Variants in ZC3H8 observed in about 807,000 individuals in gnomAD.
ZC3H8 encodes zinc finger CCCH-type containing 8.
Under a neutral mutation model 42.5 loss-of-function variants are expected in ZC3H8, and 27 were observed. The ratio of observed to expected loss-of-function variants is 0.64; its 90% confidence interval spans 0.47 to 0.88. The LOEUF (loss-of-function observed/expected upper bound fraction) is 0.88. Ranked by LOEUF, ZC3H8 falls within the 40% of genes least tolerant of loss-of-function variation. The pLI is 0.00. For synonymous variants in ZC3H8, 101 were observed against 110.1 expected (o/e 0.92, Z 0.52); for missense variants, 277 against 336.1 (o/e 0.82, Z 1.37).
intron 2 of ZC3H8, among the ~76,000 whole-genome samples, chr2:112,240,760 ATACTT>A (rs1345557270): frequency 6.6e-6 from 1 of 152,220 alleles, no homozygotes; most frequent in Non-Finnish European, 1.5e-5. Context: ...AAATAATTGA[ATACTT>A]TTCTTCACTT....
intron 2 of ZC3H8, among the ~76,000 whole-genome samples, chr2:112,242,622 T>C (rs2104664926): frequency 6.6e-6 from 1 of 152,346 alleles, no homozygotes; most frequent in South Asian, 2.1e-4. Context: ...ATTATTATAC[T>C]GTCAAGTCAG....
In ZC3H8 at chr2:112,234,110, A is replaced by G; in HGVS notation, c.621+10T>C. 1 of 1,480,840 alleles carries G rather than the reference A, an allele frequency of 6.8e-7. No individual in the cohort carries two copies. Among genetic ancestry groups the G allele is most frequent in the Non-Finnish European group, 9.1e-7 (1 of 1,094,884 alleles). 91.7% of individuals were successfully genotyped at this position (1,480,840 alleles called of 1,614,324 possible). On this transcript the variant is annotated intron_variant, in intron 5 of 8. Coordinates refer to ENST00000409573, the MANE Select transcript of ZC3H8 (RefSeq NM_032494.3). ...CATTTTAGTAGATTTTTGCTTACAC[A>G]TTTTTATACCTTAATACATTTCCTT...
intron 8 of ZC3H8, among the ~76,000 whole-genome samples, chr2:112,221,404 C>T (rs1056511931): frequency 1.3e-5 from 2 of 152,156 alleles, no homozygotes; most frequent in African/African-American, 4.8e-5. Flanking sequence ...CACCTTCTGC[C>T]ATGTCTGTAA....
intron 3 of ZC3H8, 50 bp from the exon 4 acceptor site, chr2:112,236,745 T>C (rs1573910672): frequency 6.6e-7 from 1 of 1,514,520 alleles, no homozygotes; most frequent in East Asian, 2.4e-5. Context: ...ACAATAGCAG[T>C]TTACTTTTAA....
In ZC3H8 at chr2:112,215,884, A is replaced by C. The variant is rs1350869927; in HGVS notation, c.*600T>G. On this transcript the variant is annotated 3_prime_UTR_variant, in exon 9 of 9. Coordinates refer to ENST00000409573, the MANE Select transcript of ZC3H8 (RefSeq NM_032494.3). ...AAATTTAGAAATGGTATAGTAAGAGATATTGTTTCACTTTATTTATAATAG... is the reference window on the plus strand; with the variant it reads ...AAATTTAGAAATGGTATAGTAAGAGCTATTGTTTCACTTTATTTATAATAG... 1 of 152,226 alleles carries C rather than the reference A, an allele frequency of 6.6e-6. No individual in the cohort carries two copies. Among genetic ancestry groups the C allele is most frequent in the East Asian group, 1.9e-4 (1 of 5,206 alleles). 9.4% of individuals were successfully genotyped at this position (152,226 alleles called of 1,614,324 possible).
chr2:112,221,623 C>G (rs999465385), intron 8 of ZC3H8, among the ~76,000 whole-genome samples: 1 of 152,130 alleles, frequency 6.6e-6, no homozygotes, highest in Non-Finnish European at 1.5e-5. Context: ...TCTTCCAGCT[C>G]TGAGATTCCT....
intron 8 of ZC3H8, among the ~76,000 whole-genome samples, chr2:112,217,093 G>A (rs952113237): frequency 2.0e-5 from 3 of 152,164 alleles, no homozygotes; most frequent in African/African-American, 7.2e-5. Flanking sequence ...AACAGACCAG[G>A]CGCGGTGGCT....
chr2:112,213,997 G>C lies in ZC3H8; in HGVS notation c.*2487C>G, dbSNP rs1004482180. 7.0e-6 allele frequency: 1 copy of C among 143,126 alleles called. No individual in the cohort carries two copies. The highest frequency in any genetic ancestry group is 1.5e-5 in the Non-Finnish European group (1 of 66,320). The allele number at this position is 143,126 out of a possible 1,614,324, so 8.9% of individuals were successfully genotyped here. A position where few individuals can be genotyped will look rare whatever the true frequency, so the allele number is the denominator to read the frequency against. On this transcript the variant is annotated 3_prime_UTR_variant, in exon 9 of 9. Coordinates refer to ENST00000409573, the MANE Select transcript of ZC3H8 (RefSeq NM_032494.3). ...GAGTCTCACTGTCGCCCAGGCTGGA[G>C]TGCAGTGGTGCGATCTCAGCTCACT...
At position 112,250,266 on chromosome 2, in the gene ZC3H8, A is replaced by G. The variant is rs375741346; in HGVS notation, c.81T>C (p.Asp27=). The part of the protein sequence containing the change: ...KTATDSDERI[D]DEIDTEVEET... ...CTTCAACTTCTGTATCTATTTCATC[A>G]TCGATTCTGTAGCAAAAATATCAAA... Residue 27 remains aspartate, a synonymous_variant, in exon 2 of 9, where the codon GAT becomes GAC. Coordinates refer to ENST00000409573, the MANE Select transcript of ZC3H8 (RefSeq NM_032494.3). The G allele has an allele frequency of 7.9e-5, 123 of 1,551,774 alleles. No homozygotes were observed. In the African/African-American group the frequency reaches 1.5e-3, roughly 18 times the overall value.
rs1684746080 is a variant in ZC3H8 at position 112,224,834 on chromosome 2, TGTA to T, written c.*15+6066_*15+6068del. On this transcript the variant is annotated intron_variant, in intron 8 of 8. Transcript: ENST00000409573. Reference sequence around the variant, plus strand: ...GTCTGAGAGAAGGAGAAGAATGAATTGTAGTAAAGTGTCACAGGGAACATTCTG... The same window carrying T: ...GTCTGAGAGAAGGAGAAGAATGAATTGTAAAGTGTCACAGGGAACATTCTG... 2.0e-5 allele frequency among the ~76,000 whole-genome samples: 3 copies of T among 152,300 alleles called. No individual in the cohort carries two copies. The Middle Eastern group carries it at 0.01, about 518-fold the overall frequency.
chr2:112,215,013 T>C lies in ZC3H8; in HGVS notation c.*1471A>G, dbSNP rs573248783. The C allele has an allele frequency of 6.6e-6, 1 of 152,264 alleles. No individual in the cohort carries two copies. Among genetic ancestry groups the C allele is most frequent in the African/African-American group, 2.4e-5 (1 of 41,546 alleles). The allele number at this position is 152,264 out of a possible 1,614,324, so 9.4% of individuals were successfully genotyped here. On this transcript the variant is annotated 3_prime_UTR_variant, in exon 9 of 9. Coordinates refer to ENST00000409573, the MANE Select transcript of ZC3H8 (RefSeq NM_032494.3). The stretch of plus-strand genomic sequence containing the variant: ...TTAAGTTTACAAGTGAGATGGGTAC[T>C]GCCTCAGAAATATAACAATTATTTT...
At chr2:112,232,216 T>C (rs866969492) in intron 6 of ZC3H8, among the ~76,000 whole-genome samples, 2 of 149,412 alleles carry the variant, frequency 1.3e-5, no homozygotes, top group South Asian at 2.1e-4. Flanking sequence ...CTCAGGAGGC[T>C]GAGGCACCAA....
chr2:112,245,775 G>T (rs1267489367), intron 2 of ZC3H8, among the ~76,000 whole-genome samples: 1 of 152,172 alleles, frequency 6.6e-6, no homozygotes, highest in Non-Finnish European at 1.5e-5. Flanking sequence ...CAATGTAAAT[G>T]AAACAGCCTT....
At chr2:112,231,100 C>T (rs952349471) in intron 7 of ZC3H8, 150 bp from the exon 8 acceptor site, 3 of 451,814 alleles carry the variant, frequency 6.6e-6, no homozygotes, top group African/African-American at 2.1e-5. Flanking sequence ...AACTGAAAAA[C>T]TTATTTCATA....
intron 1 of ZC3H8, among the ~76,000 whole-genome samples, chr2:112,250,903 T>G (rs557851436): frequency 4.7e-4 from 72 of 152,304 alleles, no homozygotes; most frequent in African/African-American, 1.7e-3. Flanking sequence ...AGAAAAACTG[T>G]TTTCAGACTT....
chr2:112,226,237 A>G (rs181186334), intron 8 of ZC3H8, among the ~76,000 whole-genome samples: 68 of 152,178 alleles, frequency 4.5e-4, no homozygotes, highest in Admixed American at 1.6e-3. Flanking sequence ...TTTAAAAAAG[A>G]AAAATCTGAA....
chr2:112,252,697 A>C (rs1001676564), intron 1 of ZC3H8, among the ~76,000 whole-genome samples: 1 of 152,000 alleles, frequency 6.6e-6, no homozygotes, highest in Non-Finnish European at 1.5e-5. Context: ...TAACCCAATC[A>C]CACCAAGCTC....
At position 112,241,446 on chromosome 2, in the gene ZC3H8, C is replaced by T. The variant is rs537062160; in HGVS notation, c.157-2918G>A. Among the ~76,000 whole-genome samples, 114 of 152,264 alleles carry T rather than the reference C, an allele frequency of 7.5e-4. 1 individual carries two copies. Among genetic ancestry groups the T allele is most frequent in the African/African-American group, 2.7e-3 (111 of 41,550 alleles). ...TCACCCTGCTGTCCAGAGACCCCCC[C>T]CTCAAGGGCCTATGGATTGAATTCA... is the stretch of plus-strand genomic sequence containing the variant. On this transcript the variant is annotated intron_variant, in intron 2 of 8. Coordinates refer to ENST00000409573, the MANE Select transcript of ZC3H8 (RefSeq NM_032494.3).
At position 112,230,168 on chromosome 2, in the gene ZC3H8, G is replaced by A. The variant is rs545199902; in HGVS notation, c.*15+735C>T. On this transcript the variant is annotated intron_variant, in intron 8 of 8. Coordinates refer to ENST00000409573, the MANE Select transcript of ZC3H8 (RefSeq NM_032494.3). Reference sequence around the variant, plus strand: ...CTGCACTTCATGCAAATTAAGTTACGAGATTCTATTTTTACATCCACTAAA... The same window carrying A: ...CTGCACTTCATGCAAATTAAGTTACAAGATTCTATTTTTACATCCACTAAA... Among the ~76,000 whole-genome samples the A allele has an allele frequency of 2.1e-4, 32 of 152,234 alleles. 1 individual carries two copies. The highest frequency in any genetic ancestry group is 3.4e-3 in the Middle Eastern group (1 of 294).
Sources: allele counts gnomAD v4.1 joint callset (sites outside exome capture counted in the v4.1 genomes callset), GRCh38; gene constraint gnomAD v4.1.1; transcripts MANE v1.5; gene names NCBI Gene and HGNC (gene_info 2026-07-23, HGNC 2026-07-21).